The following PIK3CB variants were observed in gnomAD, a reference collection of about 807,000 sequenced individuals.
The protein encoded by PIK3CB is phosphatidylinositol-4,5-bisphosphate 3-kinase catalytic subunit beta.
A neutral mutation model predicts 136.8 loss-of-function variants in PIK3CB; 39 were observed. The observed-to-expected ratio is 0.29, with a 90% confidence interval of 0.22 to 0.37. The LOEUF (loss-of-function observed/expected upper bound fraction) is 0.37. Among genes scored for constraint, PIK3CB ranks in the 10% least tolerant of loss-of-function variants. The pLI, the probability that PIK3CB is intolerant of heterozygous loss-of-function variation, is 1.00. For synonymous variants in PIK3CB, 428 were observed against 436.6 expected, an observed-to-expected ratio of 0.98 and a Z score of 0.25; for missense variants, 868 against 1,275.4, an observed-to-expected ratio of 0.68 and a Z score of 4.87.
Position 138,683,682 on chromosome 3 carries a change from A to C in PIK3CB, c.2421T>G (p.Gly807=). The change falls in exon 18 of 24, where the codon GGT becomes GGG. Residue 807 remains glycine (G), a synonymous_variant. Coordinates refer to ENST00000674063, the MANE Select transcript of PIK3CB (RefSeq NM_006219.3). ...GTTAAAAATCTCAGTACTTACCATC[A>C]CCATTTTTAAAAATCACTCCAACTG... ...EDSVGVIFKN[G]DDLRQDMLTL... The C allele has an allele frequency of 6.8e-7, 1 of 1,461,652 alleles. No homozygotes were observed. Among genetic ancestry groups the C allele is most frequent in the African/African-American group, 1.4e-5 (1 of 72,058 alleles). The allele number at this position is 1,461,652 out of a possible 1,614,324, so 90.5% of individuals were successfully genotyped here. A position where few individuals can be genotyped will look rare whatever the true frequency, so the allele number is the denominator to read the frequency against.
intron 19 of PIK3CB, among the ~76,000 whole-genome samples, chr3:138,666,974 G>A (rs557040382): frequency 2.8e-4 from 43 of 152,142 alleles, no homozygotes; most frequent in Non-Finnish European, 5.4e-4. Flanking sequence ...GACCAACGTG[G>A]GTGGATCACA....
chr3:138,745,714 T>C (rs2045341623), intron 4 of PIK3CB, among the ~76,000 whole-genome samples: 1 of 152,018 alleles, frequency 6.6e-6, no homozygotes, highest in South Asian at 2.1e-4. Flanking sequence ...AGAAAAAGGG[T>C]TCTTATTGTC....
intron 12 of PIK3CB, among the ~76,000 whole-genome samples, chr3:138,702,104 ATT>A (rs10706809): frequency 1.1e-3 from 158 of 143,982 alleles, no homozygotes; most frequent in East Asian, 1.4e-3. Flanking sequence ...TTGGTTTACA[ATT>A]TTTTTTTTTT....
At chr3:138,747,085 T>C (rs1440675110) in intron 4 of PIK3CB, among the ~76,000 whole-genome samples, 16 of 81,148 alleles carry the variant, frequency 2.0e-4, no homozygotes, top group South Asian at 4.1e-4. Context: ...TATATATATA[T>C]ATATATATAT....
chr3:138,714,703 C>T lies in PIK3CB; in HGVS notation c.1067G>A (p.Gly356Asp). 6.2e-7 allele frequency: 1 copy of T among 1,608,106 alleles called. No homozygotes were observed. The highest frequency in any genetic ancestry group is 8.5e-7 in the Non-Finnish European group (1 of 1,177,654). The change falls in exon 9 of 24, where the codon GGT (glycine) becomes GAT (aspartate). Residue 356 changes from glycine (G) to aspartate (D), a missense_variant. Coordinates refer to ENST00000674063, the MANE Select transcript of PIK3CB (RefSeq NM_006219.3). ...EETVKVHVRA[G>D]LFHGTELLCK... ...CAGGAGCTCAGTACCATGAAAAAGA[C>T]CAGCCCTGACATGAACCTGTAACGA...
chr3:138,709,438 G>GT (rs966645842), intron 10 of PIK3CB, among the ~76,000 whole-genome samples: 6 of 152,186 alleles, frequency 3.9e-5, no homozygotes, highest in African/African-American at 1.4e-4. Context: ...GTCATTTTGT[G>GT]TAAGTATAGG....
At chr3:138,795,825 C>T (rs2046103156) in intron 2 of PIK3CB, among the ~76,000 whole-genome samples, 1 of 152,110 alleles carries the variant, frequency 6.6e-6, no homozygotes, top group Non-Finnish European at 1.5e-5. Flanking sequence ...TCCACTGCAA[C>T]CTGATTTTCA....
intron 23 of PIK3CB, 131 bp downstream of exon 23, chr3:138,656,011 C>T: frequency 1.1e-6 from 1 of 878,744 alleles, no homozygotes; most frequent in Non-Finnish European, 1.7e-6. Flanking sequence ...AGATTCTTTC[C>T]CTCCTGGCTA....
At chr3:138,821,404 T>C (rs940724883) in intron 1 of PIK3CB, among the ~76,000 whole-genome samples, 11 of 151,346 alleles carry the variant, frequency 7.3e-5, no homozygotes, top group Non-Finnish European at 1.0e-4. Context: ...CAGGAGCCAC[T>C]GGACCATCAT....
chr3:138,821,806 A>T (rs1933574253), intron 1 of PIK3CB, among the ~76,000 whole-genome samples: 1 of 152,058 alleles, frequency 6.6e-6, no homozygotes, highest in Non-Finnish European at 1.5e-5. Context: ...ATAAAAATAA[A>T]AAAAGGAAAA....
chr3:138,732,661 A>G (rs2045009142), intron 8 of PIK3CB, among the ~76,000 whole-genome samples: 1 of 142,122 alleles, frequency 7.0e-6, no homozygotes, highest in African/African-American at 2.6e-5. Flanking sequence ...GTAGTAATCT[A>G]TTTTCTTCCA....
At chr3:138,769,558 C>G (rs1347989245) in intron 2 of PIK3CB, among the ~76,000 whole-genome samples, 1 of 152,142 alleles carries the variant, frequency 6.6e-6, no homozygotes, top group Non-Finnish European at 1.5e-5. Context: ...TCATGCACAA[C>G]CCTTTAAGAA....
Position 138,691,055 on chromosome 3 carries a change from A to G in PIK3CB, c.1981T>C (p.Leu661=). 1.2e-6 allele frequency: 2 copies of G among 1,612,218 alleles called. No homozygotes were observed. The highest frequency in any genetic ancestry group is 1.7e-6 in the Non-Finnish European group (2 of 1,178,314). The change falls in exon 15 of 24, where the codon TTA becomes CTA. Residue 661 remains leucine (L), a synonymous_variant. Coordinates refer to ENST00000674063, the MANE Select transcript of PIK3CB (RefSeq NM_006219.3). Reference sequence around the variant, plus strand: ...CTCCGATTACCAAGTGCTCTTTCTAATAGGAATCTAGAGAGGGCACAATCA... The same window carrying G: ...CTCCGATTACCAAGTGCTCTTTCTAGTAGGAATCTAGAGAGGGCACAATCA... ...FLDCALSRFL[L]ERALGNRRIG...
At chr3:138,659,844 G>A (rs906195912) in intron 21 of PIK3CB, among the ~76,000 whole-genome samples, 1 of 136,664 alleles carries the variant, frequency 7.3e-6, no homozygotes, top group Admixed American at 7.3e-5. Context: ...TATTTGCTTA[G>A]TAAGTGCCCT....
rs532438812 is a variant in PIK3CB at position 138,714,783 on chromosome 3, T to TATTG, written c.1051-65_1051-64insCAAT. The stretch of plus-strand genomic sequence containing the variant: ...ATACTGTACCACGAAAAACATCTCT[T>TATTG]TTTGTTTGTTTGTTTGTTTCTACAC... On this transcript the variant is annotated intron_variant, in intron 8 of 23. Coordinates refer to ENST00000674063, the MANE Select transcript of PIK3CB (RefSeq NM_006219.3). 2.8e-3 allele frequency: 3,826 copies of TATTG among 1,370,582 alleles called. 10 individuals are homozygous for TATTG. Among genetic ancestry groups the TATTG allele is most frequent in the Non-Finnish European group, 3.3e-3 (3,349 of 1,012,826 alleles). 84.9% of individuals were successfully genotyped at this position (1,370,582 alleles called of 1,614,324 possible). A position where few individuals can be genotyped will look rare whatever the true frequency, so the allele number is the denominator to read the frequency against.
At chr3:138,799,176 CT>C (rs1157343453) in intron 1 of PIK3CB, among the ~76,000 whole-genome samples, 172 of 130,958 alleles carry the variant, frequency 1.3e-3, no homozygotes, top group East Asian at 3.8e-3. Flanking sequence ...TCAAATCTTA[CT>C]TTTTTTTTTT....
rs146470519 is a variant in PIK3CB, at chr3:138,757,478, AACACACACACACACAC to A, written c.172-1515_172-1500del. Among the ~76,000 whole-genome samples the A allele has an allele frequency of 5.6e-4, 77 of 136,434 alleles. 2 individuals are homozygous for A. The highest frequency in any genetic ancestry group is 1.1e-3 in the East Asian group (5 of 4,638). 89.5% of individuals were successfully genotyped at this position (136,434 alleles called of 152,430 possible). On this transcript the variant is annotated intron_variant, in intron 3 of 23. Transcript: ENST00000674063. ...ACATCCATTAGGATGGATACTATTA[AACACACACACACACAC>A]ACACACACACACACACACACACACA...
chr3:138,707,178 T>C lies in PIK3CB; in HGVS notation c.1511A>G (p.Tyr504Cys), dbSNP rs2044396723. The C allele has an allele frequency of 2.5e-6, 4 of 1,596,656 alleles. No individual in the cohort carries two copies. Among genetic ancestry groups the C allele is most frequent in the Non-Finnish European group, 3.4e-6 (4 of 1,165,504 alleles). The change falls in exon 11 of 24, where the codon TAT becomes TGT. Residue 504 changes from tyrosine to cysteine, a missense_variant. By Grantham distance (194) the Tyr-to-Cys change is radical. Coordinates refer to ENST00000674063, the MANE Select transcript of PIK3CB (RefSeq NM_006219.3). The stretch of plus-strand genomic sequence containing the variant: ...GCTTACCTTATCGAAGGGAGGGTAA[T>C]AATAAGGTTGTTTTTTATTCTCTGG... ...KFPENKKQPY[Y>C]YPPFDKIIEK...
At chr3:138,745,184 C>A (rs769155715) in intron 4 of PIK3CB, among the ~76,000 whole-genome samples, 32 of 152,218 alleles carry the variant, frequency 2.1e-4, no homozygotes, top group Non-Finnish European at 3.4e-4. Context: ...GAGTAATGAG[C>A]CTTAAAGGTC....
Sources: allele counts gnomAD v4.1 joint callset (sites outside exome capture counted in the v4.1 genomes callset), GRCh38; gene constraint gnomAD v4.1.1; transcripts MANE v1.5; gene names NCBI Gene and HGNC (gene_info 2026-07-23, HGNC 2026-07-21).